PDGFD: variants seen among roughly 807,000 people sequenced by gnomAD.
PDGFD encodes platelet-derived growth factor D.
In PDGFD, 30 loss-of-function variants were observed where a neutral mutation model predicts 44.7. The ratio of observed to expected loss-of-function variants is 0.67; its 90% confidence interval spans 0.50 to 0.91. PDGFD has a LOEUF of 0.91. Ranked by LOEUF, PDGFD falls within the 40% of genes least tolerant of loss-of-function variation. The pLI is 0.00. For synonymous variants in PDGFD, 173 were observed against 168.4 expected (o/e 1.03, Z -0.21); for missense variants, 445 against 457.8 (o/e 0.97, Z 0.25).
intron 3 of PDGFD, among the ~76,000 whole-genome samples, chr11:103,991,085 G>A (rs1050087766): frequency 1.3e-5 from 2 of 151,728 alleles, no homozygotes; most frequent in African/African-American, 4.8e-5. Flanking sequence ...CTTGCAGTGA[G>A]CCGAGATTGC....
At chr11:104,002,357 T>A (rs930906328) in intron 1 of PDGFD, among the ~76,000 whole-genome samples, 2 of 152,138 alleles carry the variant, frequency 1.3e-5, no homozygotes, top group Non-Finnish European at 2.9e-5. Flanking sequence ...GGTTCCCCCA[T>A]GCTGTTCTCG....
chr11:104,008,684 G>A (rs1048679722), intron 1 of PDGFD, among the ~76,000 whole-genome samples: 29 of 151,976 alleles, frequency 1.9e-4, no homozygotes, highest in Non-Finnish European at 2.6e-4. Context: ...ATACTCAAAA[G>A]TGCTGTATAA....
rs191584239 is a variant in PDGFD, at chr11:104,113,974, T to C, written c.124+49830A>G. Among the ~76,000 whole-genome samples the C allele has an allele frequency of 7.2e-5, 11 of 152,242 alleles. No individual in the cohort carries two copies. The East Asian group carries it at 2.1e-3, about 29-fold the overall frequency. ...TTTCTTATTTTTGAGTGTTAAGAGT[T>C]CTTTGCATATTTTAATAACAGTGCT... is the stretch of plus-strand genomic sequence containing the variant. On this transcript the variant is annotated intron_variant, in intron 1 of 6. Transcript: ENST00000393158.
At chr11:104,044,437 C>T (rs988191603) in intron 1 of PDGFD, among the ~76,000 whole-genome samples, 14 of 151,484 alleles carry the variant, frequency 9.2e-5, no homozygotes, top group Admixed American at 2.0e-4. Context: ...AATAAGCCAA[C>T]GTAGAAAAAA....
intron 3 of PDGFD, among the ~76,000 whole-genome samples, chr11:103,948,920 C>T (rs1858701972): frequency 6.6e-6 from 1 of 150,800 alleles, no homozygotes; most frequent in African/African-American, 2.5e-5. Context: ...GTGCAACAAA[C>T]CACCATGTAT....
chr11:104,062,622 GT>G (rs763601802), intron 1 of PDGFD, among the ~76,000 whole-genome samples: 63 of 152,128 alleles, frequency 4.1e-4, no homozygotes, highest in Non-Finnish European at 7.2e-4. Flanking sequence ...GTTTATTGCA[GT>G]AGTAACCAAA....
At chr11:104,062,307 C>G (rs996303770) in intron 1 of PDGFD, among the ~76,000 whole-genome samples, 4 of 152,168 alleles carry the variant, frequency 2.6e-5, no homozygotes, top group Non-Finnish European at 5.9e-5. Context: ...ATTTCTCAAC[C>G]CTGTTCTTGG....
intron 1 of PDGFD, among the ~76,000 whole-genome samples, chr11:104,064,880 A>C (rs1055516103): frequency 6.6e-6 from 1 of 152,234 alleles, no homozygotes; most frequent in Admixed American, 6.5e-5. Flanking sequence ...GATGGTTAAT[A>C]TTGAGTGTCA....
At chr11:103,993,002 T>C (rs764633023) in intron 3 of PDGFD, among the ~76,000 whole-genome samples, 44 of 152,260 alleles carry the variant, frequency 2.9e-4, no homozygotes, top group Non-Finnish European at 4.6e-4. Flanking sequence ...CTATGATCTA[T>C]CCTAACAGCT....
intron 3 of PDGFD, among the ~76,000 whole-genome samples, chr11:103,983,067 AT>A (rs1859297695): frequency 6.6e-6 from 1 of 151,834 alleles, no homozygotes; most frequent in Non-Finnish European, 1.5e-5. Context: ...GAAAAAAACT[AT>A]TTTAAAATTC....
rs144330163 is a variant in PDGFD at position 104,065,269 on chromosome 11, C to T, written c.125-65014G>A. 5.2e-3 allele frequency among the ~76,000 whole-genome samples: 798 copies of T among 152,240 alleles called. 2 individuals carry two copies. Among genetic ancestry groups the T allele is most frequent in the Non-Finnish European group, 9.5e-3 (646 of 67,998 alleles). On this transcript the variant is annotated intron_variant, in intron 1 of 6. Transcript: ENST00000393158. ...CTTAATAAATGCCCCTTTATATATA[C>T]ATCTATCCTATTATTTCTGTCCCTT... is the stretch of plus-strand genomic sequence containing the variant.
intron 1 of PDGFD, among the ~76,000 whole-genome samples, chr11:104,114,293 A>G (rs1400123417): frequency 1.3e-5 from 2 of 151,776 alleles, no homozygotes; most frequent in African/African-American, 4.8e-5. Flanking sequence ...CTCTGTGTAG[A>G]TTCATTTTTT....
intron 1 of PDGFD, among the ~76,000 whole-genome samples, chr11:104,046,492 T>C (rs941341017): frequency 1.4e-5 from 2 of 147,446 alleles, no homozygotes; most frequent in African/African-American, 4.9e-5. Flanking sequence ...AAACAATAAT[T>C]GACAGAAAAC....
intron 1 of PDGFD, among the ~76,000 whole-genome samples, chr11:104,142,208 TATC>T (rs201242507): frequency 0.014 from 2,183 of 152,260 alleles, 62 homozygotes; most frequent in African/African-American, 0.049. Context: ...TGTTAAATAT[TATC>T]ATGAATCTGG....
In PDGFD at chr11:104,158,208, A is replaced by C. The variant is rs746229385; in HGVS notation, c.124+5596T>G. Among the ~76,000 whole-genome samples, 15 of 152,262 alleles carry C rather than the reference A, an allele frequency of 9.9e-5. No individual in the cohort carries two copies. In the Middle Eastern group the frequency reaches 0.01, roughly 104 times the overall value. On this transcript the variant is annotated intron_variant, in intron 1 of 6. Coordinates refer to ENST00000393158, the MANE Select transcript of PDGFD (RefSeq NM_025208.5). ...TGCAAAATACATTTTCTCAAGTAAAACTCTTATGATGAACACACATATGTG... is the reference window on the plus strand; with the variant it reads ...TGCAAAATACATTTTCTCAAGTAAACCTCTTATGATGAACACACATATGTG...
At chr11:104,112,727 T>C (rs1861577389) in intron 1 of PDGFD, among the ~76,000 whole-genome samples, 1 of 152,132 alleles carries the variant, frequency 6.6e-6, no homozygotes, top group Non-Finnish European at 1.5e-5. Flanking sequence ...TGCAGGCACC[T>C]GAATGGAACT....
chr11:104,119,696 A>ATCTATATATATATCGATATATAATAT (rs1251031438), intron 1 of PDGFD, among the ~76,000 whole-genome samples: 3 of 77,972 alleles, frequency 3.8e-5, no homozygotes, highest in East Asian at 5.9e-4. Flanking sequence ...TATAATATAT[A>ATCTATATATATATCGATATATAATAT]ATATCTATTA....
At chr11:104,113,350 C>G (rs773720022) in intron 1 of PDGFD, among the ~76,000 whole-genome samples, 1 of 151,908 alleles carries the variant, frequency 6.6e-6, no homozygotes, top group Non-Finnish European at 1.5e-5. Context: ...GGAGGGGAGG[C>G]AAACAAAAAA....
chr11:103,959,326 T>C (rs370351828), intron 3 of PDGFD, among the ~76,000 whole-genome samples: 6 of 152,240 alleles, frequency 3.9e-5, no homozygotes, highest in East Asian at 3.8e-4. Context: ...TATACAGCTA[T>C]GTAAATGAAA....
Sources: gnomAD v4.1 joint callset for allele counts (sites outside exome capture counted in the v4.1 genomes callset) on GRCh38, gnomAD v4.1.1 for gene constraint, MANE v1.5 for transcripts, NCBI Gene and HGNC (gene_info 2026-07-23, HGNC 2026-07-21) for gene names.